RTN1: variants seen among roughly 807,000 people sequenced by gnomAD.
RTN1 encodes reticulon-1.
RTN1 carries 25 observed loss-of-function variants against 65.5 expected under a neutral mutation model. The ratio of observed to expected loss-of-function variants is 0.38; its 90% CI spans 0.28 to 0.53. The LOEUF (loss-of-function observed/expected upper bound fraction) is 0.53, where lower values mean the gene tolerates loss of function less well. RTN1 is among the 20% of genes least tolerant of loss of function. The pLI is 0.79. For missense variants in RTN1, 983 were observed against 1,025.4 expected (o/e 0.96, Z 0.57); for synonymous variants, 471 against 447.6 (o/e 1.05, Z -0.66).
At chr14:59,749,180 A>ATATC (rs1164142122) in intron 1 of RTN1, among the ~76,000 whole-genome samples, 1 of 106,982 alleles carries the variant, frequency 9.3e-6, no homozygotes, top group Admixed American at 1.1e-4. Context: ...ATCTATCTAT[A>ATATC]TATCTATCTA....
chr14:59,844,601 G>A (rs940921360), intron 1 of RTN1, among the ~76,000 whole-genome samples: 1 of 152,134 alleles, frequency 6.6e-6, no homozygotes, highest in Admixed American at 6.5e-5. Context: ...AGGGAGAGAT[G>A]CAGGGTTAAT....
chr14:59,597,375 G>A (rs1189986776), intron 8 of RTN1, among the ~76,000 whole-genome samples: 1 of 152,242 alleles, frequency 6.6e-6, no homozygotes, highest in African/African-American at 2.4e-5. Context: ...ATTAAAATGT[G>A]GGCATAGACT....
intron 1 of RTN1, among the ~76,000 whole-genome samples, chr14:59,780,118 G>A (rs1029337898): frequency 6.6e-5 from 10 of 152,198 alleles, no homozygotes; most frequent in African/African-American, 2.4e-4. Context: ...AGGGTGAAAA[G>A]CCATGGTCCT....
chr14:59,851,137 T>C (rs1048313888), intron 1 of RTN1, among the ~76,000 whole-genome samples: 3 of 152,256 alleles, frequency 2.0e-5, no homozygotes, highest in Non-Finnish European at 2.9e-5. Flanking sequence ...AAGATTCATA[T>C]TGACGTGATA....
chr14:59,615,357 G>A (rs900500509), intron 3 of RTN1, among the ~76,000 whole-genome samples: 1 of 152,122 alleles, frequency 6.6e-6, no homozygotes, highest in African/African-American at 2.4e-5. Flanking sequence ...GCTGACGCAG[G>A]AGAATCACTT....
chr14:59,845,983 G>C (rs944585020), intron 1 of RTN1, among the ~76,000 whole-genome samples: 1 of 152,148 alleles, frequency 6.6e-6, no homozygotes, highest in East Asian at 1.9e-4. Flanking sequence ...GCAGAAGCTT[G>C]AACTCTAAAC....
chr14:59,731,573 A>G (rs542759387), intron 2 of RTN1, among the ~76,000 whole-genome samples: 2 of 152,304 alleles, frequency 1.3e-5, no homozygotes, highest in East Asian at 3.9e-4. Context: ...GTGAAAAGTA[A>G]TGCTTTTATT....
At position 59,846,832 on chromosome 14, in the gene RTN1, C is replaced by T. The variant is rs1566746055; in HGVS notation, c.241+23558G>A. Among the ~76,000 whole-genome samples, 1 of 152,154 alleles carries T rather than the reference C, an allele frequency of 6.6e-6. No individual in the cohort carries two copies. Among genetic ancestry groups the T allele is most frequent in the Non-Finnish European group, 1.5e-5 (1 of 68,028 alleles). On this transcript the variant is annotated intron_variant, in intron 1 of 8. Transcript: ENST00000267484. The surrounding 1 kb of genome is among the most constrained non-coding windows in gnomAD (Gnocchi z 4.8). ...TGTCCAACTCTGACAGCCATATGCACTCTCAGAGAAGCAGCCACTTTGATG... is the reference window on the plus strand; with the variant it reads ...TGTCCAACTCTGACAGCCATATGCATTCTCAGAGAAGCAGCCACTTTGATG...
chr14:59,853,194 C>T (rs1339488780), intron 1 of RTN1, among the ~76,000 whole-genome samples: 2 of 152,144 alleles, frequency 1.3e-5, no homozygotes. Context: ...GATCATGAAA[C>T]GATTTTTTAA....
intron 3 of RTN1, among the ~76,000 whole-genome samples, chr14:59,723,775 T>A (rs961085962): frequency 1.3e-5 from 2 of 152,194 alleles, no homozygotes; most frequent in African/African-American, 4.8e-5. Flanking sequence ...ACCTCCCACA[T>A]AATATCAACA....
chr14:59,840,753 T>C (rs1887296373), intron 1 of RTN1, among the ~76,000 whole-genome samples: 1 of 152,224 alleles, frequency 6.6e-6, no homozygotes, highest in African/African-American at 2.4e-5. Flanking sequence ...TATTTTCTCA[T>C]AATTAAAGAA....
intron 3 of RTN1, among the ~76,000 whole-genome samples, chr14:59,659,281 G>C (rs1883191227): frequency 6.6e-6 from 1 of 152,152 alleles, no homozygotes; most frequent in Admixed American, 6.5e-5. Context: ...ACCTGAAAGT[G>C]ACAGGGAGAA....
chr14:59,667,561 GAGCTCTCTC>G (rs1883406634), intron 3 of RTN1, among the ~76,000 whole-genome samples: 1 of 152,160 alleles, frequency 6.6e-6, no homozygotes, highest in Non-Finnish European at 1.5e-5. Context: ...AGACAAGGAT[GAGCTCTCTC>G]ACCACTCCTA....
intron 3 of RTN1, among the ~76,000 whole-genome samples, chr14:59,708,825 C>T (rs1884354461): frequency 6.6e-6 from 1 of 152,132 alleles, no homozygotes; most frequent in Non-Finnish European, 1.5e-5. Flanking sequence ...AGAATTCTAT[C>T]AACTATTCTA....
intron 1 of RTN1, among the ~76,000 whole-genome samples, chr14:59,814,701 A>G (rs1217924184): frequency 6.6e-6 from 1 of 152,222 alleles, no homozygotes; most frequent in African/African-American, 2.4e-5. Context: ...TAATCTTCAA[A>G]TGATCTCATT....
At chr14:59,744,941 G>A (rs944159292) in intron 2 of RTN1, among the ~76,000 whole-genome samples, 1 of 152,182 alleles carries the variant, frequency 6.6e-6, no homozygotes, top group Non-Finnish European at 1.5e-5. Context: ...TGGCAGTATT[G>A]AGAGGTGGAG....
chr14:59,867,648 A>C (rs1452713478), intron 1 of RTN1, among the ~76,000 whole-genome samples: 2 of 152,220 alleles, frequency 1.3e-5, no homozygotes, highest in Non-Finnish European at 2.9e-5. Context: ...AATGTATAAA[A>C]ATAAATAACA....
At chr14:59,781,187 G>A (rs1487504711) in intron 1 of RTN1, among the ~76,000 whole-genome samples, 2 of 151,920 alleles carry the variant, frequency 1.3e-5, no homozygotes, top group Non-Finnish European at 2.9e-5. Context: ...TCTCCCTGAT[G>A]CCAGAGCCCA....
At chr14:59,827,218 A>G (rs1390716058) in intron 1 of RTN1, among the ~76,000 whole-genome samples, 1 of 152,060 alleles carries the variant, frequency 6.6e-6, no homozygotes, top group Non-Finnish European at 1.5e-5. Context: ...AGCTGTGACT[A>G]CAGGCGCCCG....
Sources: allele counts gnomAD v4.1 joint callset (sites outside exome capture counted in the v4.1 genomes callset), GRCh38; gene constraint gnomAD v4.1.1; non-coding constraint Gnocchi (gnomAD v3.1); transcripts MANE v1.5; gene names NCBI Gene and HGNC (gene_info 2026-07-23, HGNC 2026-07-21).